The following DAW1 variants were observed in gnomAD, a reference collection of about 807,000 sequenced individuals.
DAW1 encodes the protein dynein assembly factor with WD repeats 1.
A neutral mutation model predicts 56.5 loss-of-function variants in DAW1; 47 were observed. The ratio of observed to expected loss-of-function variants is 0.83; its 90% CI spans 0.66 to 1.06. DAW1 has a LOEUF of 1.06. Ranked by LOEUF, DAW1 falls within the 50% of genes least tolerant of loss-of-function variation. The probability of loss-of-function intolerance (pLI) is 0.00; values close to 1 mark genes in which losing one functional copy is unlikely to be tolerated. For synonymous variants in DAW1, 190 were observed against 179.0 expected, an observed-to-expected ratio of 1.06 and a Z score of -0.49; for missense variants, 505 against 499.3, an observed-to-expected ratio of 1.01 and a Z score of -0.11.
intron 2 of DAW1, among the ~76,000 whole-genome samples, chr2:227,886,060 C>T (rs750401560): frequency 1.9e-4 from 28 of 150,336 alleles, no homozygotes; most frequent in Non-Finnish European, 3.5e-4. Flanking sequence ...TTGCATCCTC[C>T]GCCTCCTGAG....
intron 11 of DAW1, 48 bp downstream of exon 11, chr2:227,918,904 A>C (rs768333494): frequency 6.3e-7 from 1 of 1,590,386 alleles, no homozygotes; most frequent in Non-Finnish European, 8.6e-7. Context: ...TCAAAAAATA[A>C]AGAGCAGGGC....
intron 8 of DAW1, among the ~76,000 whole-genome samples, chr2:227,905,755 T>TTTAG (rs771452842): frequency 6.6e-6 from 1 of 152,214 alleles, no homozygotes; most frequent in Non-Finnish European, 1.5e-5. Flanking sequence ...AAATTATTTA[T>TTTAG]TTAGTTAGTT....
rs1284643020 is a variant in DAW1 at position 227,912,335 on chromosome 2, C to T, written c.973+5083C>T. 7.7e-6 allele frequency: 10 copies of T among 1,302,278 alleles called. No homozygotes were observed. In the South Asian group the frequency reaches 9.9e-5, roughly 13 times the overall value. The allele number at this position is 1,302,278 out of a possible 1,614,324, so 80.7% of individuals were successfully genotyped here. ...GCAACCTGCGCCTCCCAGGTTCAAG[C>T]GATTCTCCTGCCTCAGCCGCCCGAG... On this transcript the variant is annotated intron_variant, in intron 10 of 12. Coordinates refer to ENST00000309931, the MANE Select transcript of DAW1 (RefSeq NM_178821.3).
chr2:227,918,649 C>A, intron 10 of DAW1, 131 bp from the exon 11 acceptor site: 1 of 991,842 alleles, frequency 1.0e-6, no homozygotes, highest in Non-Finnish European at 1.5e-6. Flanking sequence ...TGGCTCTCAA[C>A]ACAGGCAAGA....
intron 1 of DAW1, chr2:227,876,368 A>T: frequency 8.5e-7 from 1 of 1,170,506 alleles, no homozygotes. Context: ...CATGTTTGCG[A>T]CTATTGCCTT....
At chr2:227,901,577 A>G (rs1691547012) in intron 6 of DAW1, among the ~76,000 whole-genome samples, 1 of 152,180 alleles carries the variant, frequency 6.6e-6, no homozygotes, top group Non-Finnish European at 1.5e-5. Context: ...TTCAAATGAT[A>G]CAAAAAGAAA....
chr2:227,881,182 T>C (rs919814500), intron 1 of DAW1, among the ~76,000 whole-genome samples: 4 of 152,228 alleles, frequency 2.6e-5, no homozygotes, highest in Admixed American at 1.3e-4. Flanking sequence ...GAATGTCCAA[T>C]GCATTAAGCA....
chr2:227,911,311 A>ATATACACGT (rs1400487146), intron 10 of DAW1, among the ~76,000 whole-genome samples: 94 of 47,640 alleles, frequency 2.0e-3, no homozygotes, highest in Middle Eastern at 0.011. Flanking sequence ...TGTATGTATA[A>ATATACACGT]GCATATATAC....
chr2:227,901,295 T>G (rs1415966689), intron 6 of DAW1, among the ~76,000 whole-genome samples: 1 of 152,202 alleles, frequency 6.6e-6, no homozygotes, highest in Non-Finnish European at 1.5e-5. Flanking sequence ...ACCAATTCTG[T>G]GCATAAAAGA....
In DAW1 at chr2:227,890,355, T is replaced by G. The variant is rs186907570; in HGVS notation, c.258+355T>G. Among the ~76,000 whole-genome samples the G allele has an allele frequency of 1.9e-3, 285 of 152,336 alleles. 5 individuals are homozygous for G. Among genetic ancestry groups the G allele is most frequent in the East Asian group, 2.9e-3 (15 of 5,192 alleles). ...TTATGACAAATCAACATTTCGTATT[T>G]TCTGCTTTCATGTGAACTAAACCAT... On this transcript the variant is annotated intron_variant, in intron 3 of 12. Transcript: ENST00000309931.
intron 10 of DAW1, chr2:227,912,179 A>T (rs1691841781): frequency 5.4e-6 from 2 of 368,816 alleles, no homozygotes; most frequent in Non-Finnish European, 1.1e-5. Flanking sequence ...ATTCTGCCTC[A>T]TCTCCATGGT....
chr2:227,879,194 A>C (rs560374166), intron 1 of DAW1, among the ~76,000 whole-genome samples: 34 of 152,238 alleles, frequency 2.2e-4, no homozygotes, highest in Non-Finnish European at 4.4e-4. Flanking sequence ...CCTTGAAAGG[A>C]GCCACCTAAC....
chr2:227,920,528 C>T (rs559462253), intron 11 of DAW1, among the ~76,000 whole-genome samples: 99 of 152,198 alleles, frequency 6.5e-4, no homozygotes, highest in Non-Finnish European at 1.2e-3. Context: ...ACACGGGAGG[C>T]ACAGAAGCGT....
At chr2:227,886,382 C>G (rs779331842) in intron 2 of DAW1, among the ~76,000 whole-genome samples, 1 of 151,960 alleles carries the variant, frequency 6.6e-6, no homozygotes, top group Non-Finnish European at 1.5e-5. Flanking sequence ...TTTAGGAGGC[C>G]GAGGCAGCAG....
chr2:227,905,456 T>C (rs1691655387), intron 8 of DAW1, among the ~76,000 whole-genome samples: 1 of 152,232 alleles, frequency 6.6e-6, no homozygotes, highest in African/African-American at 2.4e-5. Flanking sequence ...GGAAGTTAAC[T>C]AAATTAGCAT....
chr2:227,876,420 G>C, intron 1 of DAW1: 1 of 1,300,766 alleles, frequency 7.7e-7, no homozygotes, highest in Non-Finnish European at 1.0e-6. Context: ...TAGCATGCTT[G>C]ACATTTAATT....
At chr2:227,874,332 T>C (rs1471653749) in intron 1 of DAW1, among the ~76,000 whole-genome samples, 1 of 152,208 alleles carries the variant, frequency 6.6e-6, no homozygotes, top group Non-Finnish European at 1.5e-5. Context: ...TCTTATCTTA[T>C]TTGATTCTTT....
At chr2:227,898,661 A>G (rs1691469225) in intron 6 of DAW1, among the ~76,000 whole-genome samples, 2 of 152,078 alleles carry the variant, frequency 1.3e-5, no homozygotes, top group African/African-American at 4.8e-5. Flanking sequence ...TTAGGATTCT[A>G]TTATAAAAGT....
chr2:227,911,383 A>T (rs1384905734), intron 10 of DAW1, among the ~76,000 whole-genome samples: 4 of 125,066 alleles, frequency 3.2e-5, no homozygotes, highest in African/African-American at 1.1e-4. Context: ...TATATATATT[A>T]TATATATATT....
Sources: gnomAD v4.1 joint callset for allele counts (sites outside exome capture counted in the v4.1 genomes callset) on GRCh38, gnomAD v4.1.1 for gene constraint, MANE v1.5 for transcripts, NCBI Gene and HGNC (gene_info 2026-07-23, HGNC 2026-07-21) for gene names.